Variants in DPYD observed in about 807,000 individuals in gnomAD.
The protein encoded by DPYD is dihydropyrimidine dehydrogenase.
In DPYD, 109 loss-of-function variants were observed where a neutral mutation model predicts 116.2. That is an observed-to-expected ratio of 0.94 (90% CI 0.80 to 1.10). DPYD has a LOEUF of 1.10. DPYD is among the 50% of genes least tolerant of loss of function. The pLI is 0.00. For synonymous variants in DPYD, 440 were observed against 432.0 expected (o/e 1.02, Z -0.23); for missense variants, 1,302 against 1,254.5 (o/e 1.04, Z -0.57).
At chr1:97,761,454 A>C (rs923324249) in intron 3 of DPYD, among the ~76,000 whole-genome samples, 1 of 152,144 alleles carries the variant, frequency 6.6e-6, no homozygotes, top group East Asian at 1.9e-4. Context: ...GGGTACTAAA[A>C]TAAGCCAAGC....
chr1:97,461,818 G>C (rs956713032), intron 13 of DPYD, among the ~76,000 whole-genome samples: 1 of 152,118 alleles, frequency 6.6e-6, no homozygotes, highest in Non-Finnish European at 1.5e-5. Flanking sequence ...ACAATTACTG[G>C]ATCTCACATT....
chr1:97,687,740 T>A (rs1660810361), intron 7 of DPYD, among the ~76,000 whole-genome samples: 1 of 152,206 alleles, frequency 6.6e-6, no homozygotes, highest in South Asian at 2.1e-4. Flanking sequence ...TGCCCATCAA[T>A]AATATAGTGG....
intron 14 of DPYD, among the ~76,000 whole-genome samples, chr1:97,434,360 A>C (rs527625719): frequency 6.6e-6 from 1 of 152,200 alleles, no homozygotes; most frequent in African/African-American, 2.4e-5. Context: ...ATGATAAGTT[A>C]TTTCTTTGCT....
chr1:97,184,071 T>C (rs1387409966), intron 20 of DPYD, among the ~76,000 whole-genome samples: 2 of 152,124 alleles, frequency 1.3e-5, no homozygotes, highest in Non-Finnish European at 2.9e-5. Flanking sequence ...TCCAGCTCCA[T>C]CCATGTTTCC....
At chr1:97,280,658 T>C (rs979820293) in intron 18 of DPYD, among the ~76,000 whole-genome samples, 2 of 152,030 alleles carry the variant, frequency 1.3e-5, no homozygotes, top group African/African-American at 4.8e-5. Context: ...AAATACTGCA[T>C]GAACTCACTC....
At chr1:97,237,004 G>A (rs967048202) in intron 18 of DPYD, among the ~76,000 whole-genome samples, 2 of 152,148 alleles carry the variant, frequency 1.3e-5, no homozygotes, top group African/African-American at 4.8e-5. Flanking sequence ...ATCACCTGAG[G>A]TCAGAAGTTT....
At chr1:97,100,651 G>C (rs1407079366) in intron 20 of DPYD, among the ~76,000 whole-genome samples, 1 of 151,986 alleles carries the variant, frequency 6.6e-6, no homozygotes, top group East Asian at 1.9e-4. Context: ...AATCATTCTT[G>C]CAACCTTTTA....
chr1:97,270,749 A>G (rs936108688), intron 18 of DPYD, among the ~76,000 whole-genome samples: 1 of 152,196 alleles, frequency 6.6e-6, no homozygotes, highest in Non-Finnish European at 1.5e-5. Context: ...ATCCTTGCCT[A>G]TTTAAACAGT....
At chr1:97,652,254 T>A (rs1300010699) in intron 8 of DPYD, among the ~76,000 whole-genome samples, 1 of 152,166 alleles carries the variant, frequency 6.6e-6, no homozygotes, top group African/African-American at 2.4e-5. Flanking sequence ...TCTTAAAAAA[T>A]TCTCATGTTA....
At chr1:97,781,337 AGTT>A (rs1026063655) in intron 3 of DPYD, among the ~76,000 whole-genome samples, 9 of 152,348 alleles carry the variant, frequency 5.9e-5, no homozygotes, top group African/African-American at 1.9e-4. Flanking sequence ...AGACATATGT[AGTT>A]ATCTCATATT....
intron 8 of DPYD, among the ~76,000 whole-genome samples, chr1:97,600,867 T>C (rs556263653): frequency 6.6e-6 from 1 of 152,266 alleles, no homozygotes; most frequent in South Asian, 2.1e-4. Flanking sequence ...ATAGGTAGTA[T>C]CACAGTCCAC....
Position 97,334,762 on chromosome 1 carries a change from G to C in DPYD, c.2059-28465C>G, listed in dbSNP as rs181180229. On this transcript the variant is annotated intron_variant, in intron 16 of 22. Coordinates refer to ENST00000370192, the MANE Select transcript of DPYD (RefSeq NM_000110.4). ...TATAAGATCAGTGTCACAAACTACA[G>C]TAGAATTTAGAGAAGAGAAGTCATT... is the stretch of plus-strand genomic sequence containing the variant. Among the ~76,000 whole-genome samples, 654 of 152,300 alleles carry C rather than the reference G, an allele frequency of 4.3e-3. 6 individuals are homozygous for C. The highest frequency in any genetic ancestry group is 0.014 in the African/African-American group (589 of 41,566).
chr1:97,119,923 G>T (rs1388551009), intron 20 of DPYD, among the ~76,000 whole-genome samples: 1 of 152,138 alleles, frequency 6.6e-6, no homozygotes, highest in African/African-American at 2.4e-5. Flanking sequence ...ATCTCTTCAT[G>T]CAAAGCTTAC....
At chr1:97,159,225 T>C (rs1226016885) in intron 20 of DPYD, among the ~76,000 whole-genome samples, 1 of 151,958 alleles carries the variant, frequency 6.6e-6, no homozygotes, top group Non-Finnish European at 1.5e-5. Flanking sequence ...TATGGCAAAG[T>C]AATAAATGAG....
intron 19 of DPYD, 80 bp from the exon 20 acceptor site, chr1:97,193,328 A>C (rs1161181577): frequency 2.1e-6 from 3 of 1,417,242 alleles, no homozygotes; most frequent in Non-Finnish European, 2.9e-6. Flanking sequence ...TTGAGTCAAC[A>C]AATATTTATT....
At chr1:97,676,777 C>T (rs926111569) in intron 8 of DPYD, among the ~76,000 whole-genome samples, 9 of 152,152 alleles carry the variant, frequency 5.9e-5, no homozygotes, top group African/African-American at 2.2e-4. Context: ...TAAACATTTC[C>T]TAGAGAATAC....
chr1:97,153,841 C>T (rs977238553), intron 20 of DPYD, among the ~76,000 whole-genome samples: 1 of 151,844 alleles, frequency 6.6e-6, no homozygotes, highest in Non-Finnish European at 1.5e-5. Context: ...GGGCTAAGGA[C>T]ATGAAAAGAC....
chr1:97,590,156 C>T (rs1434288807), intron 10 of DPYD, among the ~76,000 whole-genome samples: 15 of 152,156 alleles, frequency 9.9e-5, no homozygotes, highest in Non-Finnish European at 1.5e-5. Context: ...AAAGGATTAA[C>T]ACTGAAACTT....
At chr1:97,307,694 C>A (rs145653153) in intron 16 of DPYD, among the ~76,000 whole-genome samples, 1 of 151,958 alleles carries the variant, frequency 6.6e-6, no homozygotes, top group Non-Finnish European at 1.5e-5. Flanking sequence ...CTCTACAGGG[C>A]ATAGTGTGCA....
Sources: allele counts gnomAD v4.1 joint callset (sites outside exome capture counted in the v4.1 genomes callset), GRCh38; gene constraint gnomAD v4.1.1; transcripts MANE v1.5; gene names NCBI Gene and HGNC (gene_info 2026-07-23, HGNC 2026-07-21).